Variants in PDXK observed in about 807,000 individuals in gnomAD.
PDXK encodes epididymis secretory sperm binding protein Li 1a.
In PDXK, 15 loss-of-function variants were observed where a neutral mutation model predicts 43.2. That is an observed-to-expected ratio of 0.35 (90% CI 0.23 to 0.53). The LOEUF (loss-of-function observed/expected upper bound fraction) is 0.53, where lower values mean the gene tolerates loss of function less well. Among genes scored for constraint, PDXK ranks in the 20% least tolerant of loss-of-function variants. The probability of loss-of-function intolerance (pLI) is 0.92; values close to 1 mark genes in which losing one functional copy is unlikely to be tolerated. For missense variants in PDXK, 343 were observed against 417.0 expected, an observed-to-expected ratio of 0.82 and a Z score of 1.54; for synonymous variants, 172 against 165.4, an observed-to-expected ratio of 1.04 and a Z score of -0.31.
intron 2 of PDXK, among the ~76,000 whole-genome samples, chr21:43,739,440 T>C (rs1242481922): frequency 1.3e-5 from 2 of 152,200 alleles, no homozygotes; most frequent in Non-Finnish European, 2.9e-5. Context: ...TACCTGAGAC[T>C]GGGTCATTTG....
rs139189213 is a variant in PDXK at position 43,740,014 on chromosome 21, G to A, written c.143-1653G>A. ...GCAGTGGATACCACCTGCCCCTCCT[G>A]ACCCCAGTGACTGTTAACCCAGAGT... On this transcript the variant is annotated intron_variant, in intron 2 of 10. Transcript: ENST00000291565. Among the ~76,000 whole-genome samples, 148 of 151,984 alleles carry A rather than the reference G, an allele frequency of 9.7e-4. 2 individuals carry two copies. The highest frequency in any genetic ancestry group is 3.4e-3 in the African/African-American group (141 of 41,530).
chr21:43,749,788 C>T lies in PDXK; in HGVS notation c.464+708C>T, dbSNP rs544420832. 1.8e-3 allele frequency among the ~76,000 whole-genome samples: 272 copies of T among 152,290 alleles called. 3 individuals are homozygous for T. Among genetic ancestry groups the T allele is most frequent in the African/African-American group, 6.3e-3 (261 of 41,568 alleles). ...CAGCAGAGGGAGGGTGGGGGCAGCA[C>T]AGGCGGCCAGGTCACCTGCCGCCCT... On this transcript the variant is annotated intron_variant, in intron 6 of 10. Transcript: ENST00000291565.
At chr21:43,744,231 G>T (rs879327399) in intron 4 of PDXK, among the ~76,000 whole-genome samples, 18 of 151,902 alleles carry the variant, frequency 1.2e-4, no homozygotes, top group Non-Finnish European at 2.5e-4. Context: ...GGAGTGGGGG[G>T]AGGGAGGGTC....
chr21:43,746,805 C>CT (rs941664166), intron 5 of PDXK, among the ~76,000 whole-genome samples: 5 of 152,164 alleles, frequency 3.3e-5, no homozygotes, highest in African/African-American at 1.2e-4. Flanking sequence ...AAGTGTCATT[C>CT]TTTTTTTGGC....
At chr21:43,727,402 T>A (rs970307181) in intron 1 of PDXK, among the ~76,000 whole-genome samples, 1 of 152,186 alleles carries the variant, frequency 6.6e-6, no homozygotes, top group Non-Finnish European at 1.5e-5. Flanking sequence ...CTTGTGCCCA[T>A]CTATTCCCCG....
chr21:43,728,948 G>A (rs2083282433), intron 1 of PDXK: 1 of 985,432 alleles, frequency 1.0e-6, no homozygotes, highest in South Asian at 4.7e-5. Context: ...TGACCCCCCA[G>A]GGCAGAGTGT....
intron 1 of PDXK, among the ~76,000 whole-genome samples, chr21:43,733,101 C>T (rs576823177): frequency 2.6e-5 from 4 of 152,166 alleles, no homozygotes; most frequent in African/African-American, 4.8e-5. Flanking sequence ...AGACTGCTAA[C>T]GTGTTTCATT....
chr21:43,722,835 T>TTTTC (rs150767849), intron 1 of PDXK, among the ~76,000 whole-genome samples: 1 of 152,138 alleles, frequency 6.6e-6, no homozygotes, highest in East Asian at 1.9e-4. Flanking sequence ...CAAAGATACT[T>TTTTC]TTTCTTTCTT....
chr21:43,752,100 C>CAT lies in PDXK; in HGVS notation c.511-417_511-416dup, dbSNP rs1428764397. On this transcript the variant is annotated intron_variant, in intron 7 of 10. Coordinates refer to ENST00000291565, the MANE Select transcript of PDXK (RefSeq NM_003681.5). ...ACACGTGCTGGGTGGCGATGCAGCA[C>CAT]ATGTGTGTGTGTGTGTGTGTGTGTG... is the stretch of plus-strand genomic sequence containing the variant. 2.2e-5 allele frequency among the ~76,000 whole-genome samples: 3 copies of CAT among 133,946 alleles called. No individual in the cohort carries two copies. The South Asian group carries it at 7.0e-4, about 31-fold the overall frequency. 87.9% of individuals were successfully genotyped at this position (133,946 alleles called of 152,430 possible).
intron 4 of PDXK, 98 bp downstream of exon 4, chr21:43,743,905 C>T: frequency 1.3e-6 from 1 of 768,508 alleles, no homozygotes; most frequent in Non-Finnish European, 2.2e-6. Context: ...CCTTCCTCCT[C>T]TGCACGCCTC....
intron 2 of PDXK, among the ~76,000 whole-genome samples, chr21:43,736,120 G>T (rs1262917087): frequency 6.6e-6 from 1 of 151,818 alleles, no homozygotes; most frequent in Admixed American, 6.6e-5. Context: ...GAGTTTTTTT[G>T]TTGTTGTTTT....
intron 1 of PDXK, among the ~76,000 whole-genome samples, chr21:43,720,664 C>T (rs2083199537): frequency 6.6e-6 from 1 of 152,152 alleles, no homozygotes; most frequent in African/African-American, 2.4e-5. Context: ...CTCTGGACCA[C>T]TCCTAGCTTG....
chr21:43,753,600 G>T lies in PDXK; in HGVS notation c.640G>T (p.Val214Leu). 1 of 1,612,966 alleles carries T rather than the reference G, an allele frequency of 6.2e-7. No individual in the cohort carries two copies. Among genetic ancestry groups the T allele is most frequent in the Non-Finnish European group, 8.5e-7 (1 of 1,179,294 alleles). The stretch of plus-strand genomic sequence containing the variant: ...CCCCCTAGGGAATCCCGCTGGCTCC[G>T]TGGTGATGGAACGCATCCGGATGGA... ...SQRRRNPAGS[V>L]VMERIRMDIR... The change falls in exon 9 of 11, where the codon GTG (valine) becomes TTG (leucine). Residue 214 changes from valine (V) to leucine (L), a missense_variant. By Grantham distance (32) the Val-to-Leu change is conservative. Transcript: ENST00000291565.
At chr21:43,736,896 A>C (rs2083412658) in intron 2 of PDXK, 5 of 698,840 alleles carry the variant, frequency 7.2e-6, no homozygotes, top group Non-Finnish European at 1.0e-5. Context: ...AGCCTCCCAA[A>C]GTGCTGGGAT....
chr21:43,750,930 GTA>G (rs1568991164), intron 7 of PDXK, among the ~76,000 whole-genome samples: 11 of 149,614 alleles, frequency 7.4e-5, no homozygotes, highest in South Asian at 2.1e-4. Context: ...ATGTGTGTGC[GTA>G]TGTGTGCACG....
At chr21:43,742,514 CACTT>C (rs143871192) in intron 3 of PDXK, among the ~76,000 whole-genome samples, 2,310 of 152,064 alleles carry the variant, frequency 0.015, 28 homozygotes, top group Middle Eastern at 0.068. Context: ...TTAGGGGAAA[CACTT>C]AGCCTCCCAA....
At chr21:43,733,852 G>GCC in intron 1 of PDXK, 2 of 661,674 alleles carry the variant, frequency 3.0e-6, no homozygotes, top group Non-Finnish European at 5.1e-6. Flanking sequence ...AGAGAGGGAA[G>GCC]CCCAGCTCCA....
chr21:43,739,302 C>T lies in PDXK; in HGVS notation c.143-2365C>T, dbSNP rs111690351. On this transcript the variant is annotated intron_variant, in intron 2 of 10. Coordinates refer to ENST00000291565, the MANE Select transcript of PDXK (RefSeq NM_003681.5). ...CCTCCCAAACTGCTGGGATTACAGG[C>T]GTGAGCCACCGCACCCGGCCCCACC... Among the ~76,000 whole-genome samples, 738 of 152,318 alleles carry T rather than the reference C, an allele frequency of 4.8e-3. 2 individuals are homozygous for T. The highest frequency in any genetic ancestry group is 0.016 in the African/African-American group (656 of 41,564).
chr21:43,737,696 CG>C lies in PDXK; in HGVS notation c.142+3574del. The C allele has an allele frequency of 1.4e-6, 1 of 728,778 alleles. No homozygotes were observed. Among genetic ancestry groups the C allele is most frequent in the Non-Finnish European group, 1.7e-6 (1 of 599,398 alleles). The allele number at this position is 728,778 out of a possible 1,614,324, so 45.1% of individuals were successfully genotyped here. On this transcript the variant is annotated intron_variant, in intron 2 of 10. Coordinates refer to ENST00000291565, the MANE Select transcript of PDXK (RefSeq NM_003681.5). This position sits in a 1 kb window ranked among gnomAD's most constrained non-coding sequence, Gnocchi z 4.8. The stretch of plus-strand genomic sequence containing the variant: ...CCAGGAGCCTGCCGACGGACACCAG[CG>C]AGGGGCCAGGCCGGGCCAGGAGCCT...
Sources: gnomAD v4.1 joint callset for allele counts (sites outside exome capture counted in the v4.1 genomes callset) on GRCh38, gnomAD v4.1.1 for gene constraint, Gnocchi (gnomAD v3.1) non-coding constraint, MANE v1.5 for transcripts, NCBI Gene and HGNC (gene_info 2026-07-23, HGNC 2026-07-21) for gene names.